PDE12: variants seen among roughly 807,000 people sequenced by gnomAD.
PDE12 encodes phosphodiesterase 12.
In PDE12, 26 loss-of-function variants were observed where a neutral mutation model predicts 45.4. That is an observed-to-expected ratio of 0.57 (90% CI 0.42 to 0.79). The LOEUF (loss-of-function observed/expected upper bound fraction) is 0.79. Among genes scored for constraint, PDE12 ranks in the 30% least tolerant of loss-of-function variants. PDE12 has a pLI of 0.00. For synonymous variants in PDE12, 283 were observed against 323.9 expected (o/e 0.87, Z 1.36); for missense variants, 668 against 790.0 (o/e 0.85, Z 1.85).
At chr3:57,576,285 T>C in the PDE12 span, among the ~76,000 whole-genome samples, 95 of 152,204 alleles carry the variant, frequency 6.2e-4, 2 homozygotes, top group South Asian at 0.02. Flanking sequence ...TAGGTGACTG[T>C]ATAAAGACAA....
the PDE12 span, among the ~76,000 whole-genome samples, chr3:57,580,993 A>G: frequency 6.6e-6 from 1 of 152,192 alleles, no homozygotes; most frequent in Non-Finnish European, 1.5e-5. Context: ...ATTAATCCCT[A>G]ATTATTTTCT....
chr3:57,654,939 TTAATC>T, the PDE12 span: 2 of 294,210 alleles, frequency 6.8e-6, no homozygotes, highest in Non-Finnish European at 1.0e-5. Flanking sequence ...AAATAAAGCA[TTAATC>T]TAATCATTAG....
chr3:57,653,479 C>T, the PDE12 span, among the ~76,000 whole-genome samples: 25 of 151,936 alleles, frequency 1.6e-4, no homozygotes, highest in African/African-American at 5.8e-4. Context: ...GGCGCGGTGG[C>T]TCACGCCTGT....
chr3:57,632,437 C>A, the PDE12 span, among the ~76,000 whole-genome samples: 1 of 151,944 alleles, frequency 6.6e-6, no homozygotes, highest in Non-Finnish European at 1.5e-5. Context: ...CTCTTACCTT[C>A]GCCTCCCAAA....
At chr3:57,593,649 A>G in the PDE12 span, among the ~76,000 whole-genome samples, 2 of 152,242 alleles carry the variant, frequency 1.3e-5, no homozygotes, top group African/African-American at 2.4e-5. Context: ...CCTCTGCAGA[A>G]CACATTAGTA....
Position 57,562,270 on chromosome 3 carries a change from G to A in PDE12, c.*2266G>A. 5.0e-6 allele frequency: 1 copy of A among 198,820 alleles called. No individual in the cohort carries two copies. Among genetic ancestry groups the A allele is most frequent in the Non-Finnish European group, 9.0e-6 (1 of 110,888 alleles). 12.3% of individuals were successfully genotyped at this position (198,820 alleles called of 1,614,324 possible). A position where few individuals can be genotyped will look rare whatever the true frequency, so the allele number is the denominator to read the frequency against. Reference sequence around the variant, plus strand: ...AGTCAGAAAAACTCAGCACTTAACAGACATTCCATGTCCTATATCCTTAAT... The same window carrying A: ...AGTCAGAAAAACTCAGCACTTAACAAACATTCCATGTCCTATATCCTTAAT... On this transcript the variant is annotated 3_prime_UTR_variant, in exon 3 of 3. Coordinates refer to ENST00000311180, the MANE Select transcript of PDE12 (RefSeq NM_177966.7).
At chr3:57,610,233 C>T in the PDE12 span, among the ~76,000 whole-genome samples, 1 of 152,118 alleles carries the variant, frequency 6.6e-6, no homozygotes, top group African/African-American at 2.4e-5. Context: ...TGGGACGTAT[C>T]TCAAAATAAT....
intron 1 of PDE12, 24 bp from the exon 2 acceptor site, chr3:57,559,286 C>T: frequency 6.4e-7 from 1 of 1,558,224 alleles, no homozygotes; most frequent in Non-Finnish European, 8.8e-7. Flanking sequence ...CAACTGAACT[C>T]TTGGCACTTT....
At chr3:57,567,409 A>T (rs949302332), downstream of PDE12, among the ~76,000 whole-genome samples, 1 of 152,186 alleles carries the variant, frequency 6.6e-6, no homozygotes, top group African/African-American at 2.4e-5. Context: ...CTAACACATG[A>T]AGCCATACTG....
At chr3:57,634,488 C>T in the PDE12 span, 4 of 787,300 alleles carry the variant, frequency 5.1e-6, no homozygotes, top group South Asian at 6.4e-5. Context: ...ACATAAAGGA[C>T]ATATTGCGTA....
chr3:57,606,709 G>A, the PDE12 span, among the ~76,000 whole-genome samples: 2 of 152,088 alleles, frequency 1.3e-5, no homozygotes, highest in Non-Finnish European at 2.9e-5. Context: ...AAACATTATT[G>A]TAAGGTTCCT....
the PDE12 span, among the ~76,000 whole-genome samples, chr3:57,601,908 C>A: frequency 6.6e-6 from 1 of 150,526 alleles, no homozygotes; most frequent in South Asian, 2.1e-4. Flanking sequence ...CCACACCCGG[C>A]TAATTTTTTT....
chr3:57,608,897 A>G, the PDE12 span, among the ~76,000 whole-genome samples: 2 of 152,228 alleles, frequency 1.3e-5, no homozygotes, highest in Non-Finnish European at 2.9e-5. Context: ...CCTAATAGAC[A>G]TCTACAGAAC....
the PDE12 span, among the ~76,000 whole-genome samples, chr3:57,634,230 C>T: frequency 7.3e-5 from 11 of 151,636 alleles, no homozygotes; most frequent in African/African-American, 2.4e-4. Context: ...GCCAGGAGTT[C>T]GAGACCAGCC....
intron 1 of PDE12, 94 bp from the exon 2 acceptor site, chr3:57,559,216 C>T (rs2069699703): frequency 1.9e-6 from 2 of 1,034,410 alleles, no homozygotes; most frequent in East Asian, 2.4e-5. Context: ...GTGAGACTGT[C>T]TCGAAAAAAC....
the PDE12 span, among the ~76,000 whole-genome samples, chr3:57,616,455 T>G: frequency 5.5e-3 from 591 of 106,574 alleles, no homozygotes; most frequent in African/African-American, 7.6e-3. Flanking sequence ...AGATGAAGAG[T>G]AGGAGGAGGA....
the PDE12 span, among the ~76,000 whole-genome samples, chr3:57,605,463 G>T: frequency 6.6e-6 from 1 of 152,054 alleles, no homozygotes. Context: ...CATAACCTGT[G>T]GGACAGTGGG....
At chr3:57,573,813 C>T in the PDE12 span, among the ~76,000 whole-genome samples, 2 of 152,200 alleles carry the variant, frequency 1.3e-5, no homozygotes, top group Non-Finnish European at 2.9e-5. Flanking sequence ...AACTCCTGGT[C>T]TCAAGTGATC....
chr3:57,618,711 C>T, the PDE12 span, among the ~76,000 whole-genome samples: 6 of 140,454 alleles, frequency 4.3e-5, no homozygotes, highest in East Asian at 4.7e-4. Context: ...TGGGTTCAAG[C>T]GATTCTCCTG....
Sources: allele counts gnomAD v4.1 joint callset (sites outside exome capture counted in the v4.1 genomes callset), GRCh38; gene constraint gnomAD v4.1.1; transcripts MANE v1.5; gene names NCBI Gene and HGNC (gene_info 2026-07-23, HGNC 2026-07-21).